The following NCKAP5 variants were observed in gnomAD, a reference collection of about 807,000 sequenced individuals.
NCKAP5 encodes NCK associated protein 5.
A neutral mutation model predicts 167.0 loss-of-function variants in NCKAP5; 92 were observed. That is an observed-to-expected ratio of 0.55 (90% confidence interval 0.47 to 0.66). The LOEUF is 0.66. Ranked by LOEUF, NCKAP5 falls within the 30% of genes least tolerant of loss-of-function variation. The pLI, the probability that NCKAP5 is intolerant of heterozygous loss-of-function variation, is 0.00. For missense variants in NCKAP5, 2,378 were observed against 2,315.0 expected, an observed-to-expected ratio of 1.03 and a Z score of -0.56; for synonymous variants, 891 against 877.4, an observed-to-expected ratio of 1.02 and a Z score of -0.27.
intron 4 of NCKAP5, among the ~76,000 whole-genome samples, chr2:133,237,777 A>C (rs2087493280): frequency 6.6e-6 from 1 of 152,170 alleles, no homozygotes; most frequent in Non-Finnish European, 1.5e-5. Flanking sequence ...CACTTTACTA[A>C]CTCAGCTCTA....
At chr2:132,881,556 T>TG (rs1214273183) in intron 8 of NCKAP5, among the ~76,000 whole-genome samples, 1 of 92,276 alleles carries the variant, frequency 1.1e-5, no homozygotes, top group Non-Finnish European at 2.4e-5. Context: ...TTACCTTTCT[T>TG]TTTTTTTTTT....
chr2:132,926,527 A>G (rs915167150), intron 8 of NCKAP5, among the ~76,000 whole-genome samples: 4 of 152,024 alleles, frequency 2.6e-5, no homozygotes, highest in African/African-American at 9.7e-5. Flanking sequence ...CATCTCACCA[A>G]CATTTGTTTT....
At chr2:133,319,156 C>G (rs527652501) in intron 3 of NCKAP5, among the ~76,000 whole-genome samples, 1 of 149,380 alleles carries the variant, frequency 6.7e-6, no homozygotes, top group East Asian at 2.0e-4. Context: ...CCTCCCCCCC[C>G]GCCCCCTTCC....
chr2:133,452,093 T>C lies in NCKAP5; in HGVS notation c.69+65365A>G, dbSNP rs146009826. On this transcript the variant is annotated intron_variant, in intron 3 of 19. Coordinates refer to ENST00000409261, the MANE Select transcript of NCKAP5 (RefSeq NM_207363.3). ...AGCTTACCAGCTCACTCCACTATAA[T>C]AATATTTCAATTATCTGAGACCTGT... Among the ~76,000 whole-genome samples the C allele has an allele frequency of 2.9e-3, 446 of 152,272 alleles. 3 individuals are homozygous for C. The highest frequency in any genetic ancestry group is 0.01 in the African/African-American group (433 of 41,558).
chr2:133,243,729 C>T (rs573911511), intron 4 of NCKAP5, among the ~76,000 whole-genome samples: 3 of 152,284 alleles, frequency 2.0e-5, no homozygotes, highest in South Asian at 4.1e-4. Flanking sequence ...ACTAAGGCTG[C>T]GAGGAGTAAT....
At chr2:133,188,625 G>A (rs56286303) in intron 5 of NCKAP5, among the ~76,000 whole-genome samples, 1 of 152,066 alleles carries the variant, frequency 6.6e-6, no homozygotes, top group African/African-American at 2.4e-5. Context: ...TCAGGATTAA[G>A]AAACTCACTC....
In NCKAP5 at chr2:132,785,019, C is replaced by T. The variant is rs1169051660; in HGVS notation, c.1792G>A (p.Glu598Lys). Residue 598 changes from glutamate to lysine, a missense_variant, in exon 14 of 20, where the codon GAG becomes AAG. Glu to Lys is a moderately conservative substitution (Grantham distance 56, BLOSUM62 1). Transcript: ENST00000409261. ...AATGACACGTCTGAAGGACTTTTCT[C>T]ATCACTGCTCTCTATGTGCAGCTCA... Reference protein sequence around the residue: ...FDELHIESSDEKSPSDVSLAA... With the variant: ...FDELHIESSDKKSPSDVSLAA... The T allele has an allele frequency of 6.2e-7, 1 of 1,613,864 alleles. No homozygotes were observed. The highest frequency in any genetic ancestry group is 1.3e-5 in the African/African-American group (1 of 74,932).
At chr2:133,651,969 C>A in the NCKAP5 span, among the ~76,000 whole-genome samples, 1 of 152,132 alleles carries the variant, frequency 6.6e-6, no homozygotes. Flanking sequence ...GGCCCACAGG[C>A]AGGAGCAACT....
At chr2:133,114,498 T>C (rs915328919) in intron 6 of NCKAP5, among the ~76,000 whole-genome samples, 2 of 152,240 alleles carry the variant, frequency 1.3e-5, no homozygotes, top group African/African-American at 4.8e-5. Flanking sequence ...CATAGCCATA[T>C]GTTATCACAC....
At chr2:133,422,773 C>T (rs1305805313) in intron 3 of NCKAP5, among the ~76,000 whole-genome samples, 13 of 152,210 alleles carry the variant, frequency 8.5e-5, no homozygotes, top group Middle Eastern at 3.4e-3. Flanking sequence ...CCTTTAACTT[C>T]GTCTGTGATC....
chr2:132,785,791 C>G, intron 13 of NCKAP5, 73 bp from the exon 14 acceptor site: 1 of 1,240,990 alleles, frequency 8.1e-7, no homozygotes, highest in Non-Finnish European at 1.1e-6. Context: ...AAAAGTACAT[C>G]ATGGGACTTA....
chr2:133,532,206 T>C (rs1207592382), intron 2 of NCKAP5, among the ~76,000 whole-genome samples: 12 of 152,240 alleles, frequency 7.9e-5, no homozygotes. Flanking sequence ...GGAATCCTAT[T>C]GAATGGACTT....
chr2:132,737,176 T>C (rs1421735344), intron 16 of NCKAP5, among the ~76,000 whole-genome samples: 1 of 152,128 alleles, frequency 6.6e-6, no homozygotes, highest in East Asian at 1.9e-4. Context: ...ACTGGTCAAC[T>C]GAGGGCTGAA....
chr2:132,925,146 T>A lies in NCKAP5; in HGVS notation c.579+38574A>T, dbSNP rs543526021. ...ATGGACTTTGTTGGGGGGTGGGGAA[T>A]GGTTTCAGGATGAAACTGTTCCACC... On this transcript the variant is annotated intron_variant, in intron 8 of 19. Coordinates refer to ENST00000409261, the MANE Select transcript of NCKAP5 (RefSeq NM_207363.3). Among the ~76,000 whole-genome samples, 238 of 152,192 alleles carry A rather than the reference T, an allele frequency of 1.6e-3. 8 individuals are homozygous for A. In the South Asian group the frequency reaches 0.048, roughly 31 times the overall value.
chr2:133,629,936 A>C, the NCKAP5 span, among the ~76,000 whole-genome samples: 1 of 152,160 alleles, frequency 6.6e-6, no homozygotes. Flanking sequence ...AATGATGAGA[A>C]TACATGGACA....
intron 7 of NCKAP5, among the ~76,000 whole-genome samples, chr2:132,976,364 A>C (rs1470804702): frequency 1.3e-5 from 2 of 152,120 alleles, no homozygotes; most frequent in Non-Finnish European, 2.9e-5. Context: ...GGAGTTCAAG[A>C]CCAGCTTGGC....
At chr2:132,713,047 A>T (rs570653588) in intron 19 of NCKAP5, among the ~76,000 whole-genome samples, 28 of 152,332 alleles carry the variant, frequency 1.8e-4, no homozygotes, top group African/African-American at 6.3e-4. Flanking sequence ...TAAGTGGGAG[A>T]AAGCAAAACA....
At chr2:133,560,267 A>G (rs1394868694) in intron 1 of NCKAP5, among the ~76,000 whole-genome samples, 1 of 152,244 alleles carries the variant, frequency 6.6e-6, no homozygotes, top group African/African-American at 2.4e-5. Flanking sequence ...ATATTCATCT[A>G]TTCACCAAAT....
chr2:133,118,740 C>G (rs1020362265), intron 6 of NCKAP5: 2 of 152,034 alleles, frequency 1.3e-5, no homozygotes, highest in Non-Finnish European at 2.9e-5. Context: ...ACATATTGTC[C>G]AAGCCAACAG....
Sources: gnomAD v4.1 joint callset for allele counts (sites outside exome capture counted in the v4.1 genomes callset) on GRCh38, gnomAD v4.1.1 for gene constraint, MANE v1.5 for transcripts, NCBI Gene and HGNC (gene_info 2026-07-23, HGNC 2026-07-21) for gene names.